RASAL2: variants seen among roughly 807,000 people sequenced by gnomAD.
RASAL2 encodes the protein RAS protein activator like 2.
A neutral mutation model predicts 128.9 loss-of-function variants in RASAL2; 58 were observed. The observed-to-expected ratio is 0.45, with a 90% CI of 0.36 to 0.56. RASAL2 has a LOEUF of 0.56. RASAL2 is among the 20% of genes least tolerant of loss of function. The probability of loss-of-function intolerance (pLI) is 0.00; values close to 1 mark genes in which losing one functional copy is unlikely to be tolerated. For synonymous variants in RASAL2, 561 were observed against 580.8 expected, an observed-to-expected ratio of 0.97 and a Z score of 0.49; for missense variants, 1,360 against 1,601.6, an observed-to-expected ratio of 0.85 and a Z score of 2.57.
intron 1 of RASAL2, among the ~76,000 whole-genome samples, chr1:178,197,415 T>C (rs1004483859): frequency 6.6e-6 from 1 of 151,586 alleles, no homozygotes; most frequent in African/African-American, 2.4e-5. Context: ...GATTGTGCCA[T>C]TGGACTCCAG....
intron 1 of RASAL2, among the ~76,000 whole-genome samples, chr1:178,245,099 G>A (rs1252991138): frequency 6.6e-6 from 1 of 152,160 alleles, no homozygotes; most frequent in Non-Finnish European, 1.5e-5. Context: ...CCCAGTAATG[G>A]GATTGCTGGT....
At chr1:178,220,138 C>A (rs753104471) in intron 1 of RASAL2, among the ~76,000 whole-genome samples, 3 of 152,156 alleles carry the variant, frequency 2.0e-5, no homozygotes, top group Admixed American at 6.5e-5. Context: ...AGAAGCAAAA[C>A]AGATGCTGTG....
At chr1:178,417,192 T>G (rs556686426) in intron 4 of RASAL2, among the ~76,000 whole-genome samples, 2 of 152,288 alleles carry the variant, frequency 1.3e-5, no homozygotes, top group South Asian at 4.2e-4. Flanking sequence ...TGGGTTATTT[T>G]TGTTTGTTCT....
At chr1:178,415,381 T>C (rs1032336263) in intron 4 of RASAL2, among the ~76,000 whole-genome samples, 1 of 152,246 alleles carries the variant, frequency 6.6e-6, no homozygotes, top group Non-Finnish European at 1.5e-5. Context: ...GATTTTCTAG[T>C]CATCTTTCTA....
At chr1:178,360,160 C>T (rs1671031749) in intron 3 of RASAL2, among the ~76,000 whole-genome samples, 1 of 152,098 alleles carries the variant, frequency 6.6e-6, no homozygotes, top group Admixed American at 6.5e-5. Context: ...CTATTTAACT[C>T]CACCCCCAAC....
intron 1 of RASAL2, among the ~76,000 whole-genome samples, chr1:178,208,524 C>T (rs115182414): frequency 2.0e-5 from 3 of 152,144 alleles, no homozygotes; most frequent in Admixed American, 6.5e-5. Context: ...TCTCTGCTCT[C>T]GAACCCTGTT....
chr1:178,180,322 T>C (rs1349785678), intron 1 of RASAL2, among the ~76,000 whole-genome samples: 1 of 151,536 alleles, frequency 6.6e-6, no homozygotes, highest in Non-Finnish European at 1.5e-5. Flanking sequence ...CCTTTACCAT[T>C]CTTGCAAAAT....
Position 178,439,546 on chromosome 1 carries a change from A to G in RASAL2, c.799A>G (p.Ser267Gly). 2 of 1,612,624 alleles carry G rather than the reference A, an allele frequency of 1.2e-6. No individual in the cohort carries two copies. Among genetic ancestry groups the G allele is most frequent in the South Asian group, 1.1e-5 (1 of 90,898 alleles). ...TGTATCAGTGAAACCACTTCATAGT[A>G]GCATCCTTGGACAAGACTTCTGCTT... ...EPVSVKPLHSSILGQDFCFEV... is the reference protein window; with the variant it reads ...EPVSVKPLHSGILGQDFCFEV... The change falls in exon 6 of 18, where the codon AGC becomes GGC. Residue 267 changes from serine to glycine, a missense_variant. By Grantham distance (56) the Ser-to-Gly change is moderately conservative. This residue lies in a region of RASAL2 where 617 missense variants were observed against 714.2 expected (regional missense o/e 0.86). Transcript: ENST00000367649.
At chr1:178,114,411 A>G (rs2102255599) in intron 1 of RASAL2, among the ~76,000 whole-genome samples, 1 of 152,210 alleles carries the variant, frequency 6.6e-6, no homozygotes, top group East Asian at 1.9e-4. Flanking sequence ...TAAATTTTAA[A>G]TTAGAAGTGG....
chr1:178,202,049 A>G lies in RASAL2; in HGVS notation c.203-81515A>G, dbSNP rs77669881. ...ATTGGAGAAAGGGAAATGATCAGAC[A>G]TTTCCGGGACCATTGGACACTGGCT... On this transcript the variant is annotated intron_variant, in intron 1 of 17. Transcript: ENST00000367649. 2.4e-3 allele frequency among the ~76,000 whole-genome samples: 369 copies of G among 152,234 alleles called. 1 individual carries two copies. Among genetic ancestry groups the G allele is most frequent in the African/African-American group, 8.6e-3 (358 of 41,520 alleles).
chr1:178,451,255 G>A (rs1344692009), intron 9 of RASAL2, among the ~76,000 whole-genome samples: 2 of 152,134 alleles, frequency 1.3e-5, no homozygotes, highest in Non-Finnish European at 2.9e-5. Flanking sequence ...TAACAAGTTT[G>A]TACTAATTAA....
At chr1:178,312,398 C>A (rs139641684) in intron 3 of RASAL2, among the ~76,000 whole-genome samples, 171 of 152,298 alleles carry the variant, frequency 1.1e-3, no homozygotes, top group African/African-American at 3.4e-3. Context: ...CCTCAAAATT[C>A]TGAAGGAAAT....
intron 1 of RASAL2, among the ~76,000 whole-genome samples, chr1:178,149,927 C>G (rs112589359): frequency 7.9e-5 from 12 of 152,228 alleles, no homozygotes; most frequent in African/African-American, 2.9e-4. Context: ...TTAGAAACTG[C>G]CACAACCCCC....
chr1:178,458,311 G>T lies in RASAL2; in HGVS notation c.3019G>T (p.Gly1007Trp), dbSNP rs201007796. Residue 1007 changes from glycine to tryptophan, a missense_variant, in exon 14 of 18, where the codon GGG becomes TGG. Physicochemically the swap from Gly to Trp is radical, Grantham distance 184 (BLOSUM62 -2). Transcript: ENST00000367649. Reference protein sequence around the residue: ...PLALPRQNSTGQAQIRKVDQG... With the variant: ...PLALPRQNSTWQAQIRKVDQG... ...TGCTTTGCCACGACAAAATAGTACTGGGCAGGCCCAGATCCGAAAAGTGGA... is the reference window on the plus strand; with the variant it reads ...TGCTTTGCCACGACAAAATAGTACTTGGCAGGCCCAGATCCGAAAAGTGGA... The T allele has an allele frequency of 1.9e-6, 3 of 1,614,238 alleles. No individual in the cohort carries two copies. Among genetic ancestry groups the T allele is most frequent in the Non-Finnish European group, 2.5e-6 (3 of 1,180,050 alleles).
At chr1:178,471,499 A>G (rs1352572624) in intron 17 of RASAL2, among the ~76,000 whole-genome samples, 1 of 152,238 alleles carries the variant, frequency 6.6e-6, no homozygotes, top group East Asian at 1.9e-4. Flanking sequence ...ATTTTATACC[A>G]GATGCATGGG....
At chr1:178,436,579 C>T (rs929726200) in intron 5 of RASAL2, among the ~76,000 whole-genome samples, 6 of 151,978 alleles carry the variant, frequency 3.9e-5, no homozygotes, top group Admixed American at 6.6e-5. Flanking sequence ...CATTAAACCA[C>T]GGTAGGCACT....
intron 1 of RASAL2, among the ~76,000 whole-genome samples, chr1:178,279,651 A>G (rs891119002): frequency 6.6e-6 from 1 of 152,184 alleles, no homozygotes; most frequent in African/African-American, 2.4e-5. Flanking sequence ...AAGACTAATT[A>G]TGGTTATTCA....
At chr1:178,410,742 T>C (rs1674310552) in intron 4 of RASAL2, among the ~76,000 whole-genome samples, 2 of 150,282 alleles carry the variant, frequency 1.3e-5, no homozygotes, top group African/African-American at 2.4e-5. Flanking sequence ...AAAGAAGATA[T>C]ACAAATGGCC....
At chr1:178,345,883 C>T (rs759111233) in intron 3 of RASAL2, among the ~76,000 whole-genome samples, 4 of 152,078 alleles carry the variant, frequency 2.6e-5, no homozygotes, top group Admixed American at 1.3e-4. Context: ...TCCTGTGTAC[C>T]AAGAGCTCAT....
Sources: allele counts gnomAD v4.1 joint callset (sites outside exome capture counted in the v4.1 genomes callset), GRCh38; gene constraint gnomAD v4.1.1; regional missense constraint gnomAD v4.1.1; transcripts MANE v1.5; gene names NCBI Gene and HGNC (gene_info 2026-07-23, HGNC 2026-07-21).